Variants in PRKCE observed in about 807,000 individuals in gnomAD.
The protein encoded by PRKCE is protein kinase C epsilon type.
Under a neutral mutation model 85.4 loss-of-function variants are expected in PRKCE, and 16 were observed. That is an observed-to-expected ratio of 0.19 (90% CI 0.13 to 0.28). The LOEUF is 0.28. Ranked by LOEUF, PRKCE falls within the 10% of genes least tolerant of loss-of-function variation. The pLI, the probability that PRKCE is intolerant of heterozygous loss-of-function variation, is 1.00. For missense variants in PRKCE, 573 were observed against 975.2 expected (o/e 0.59, Z 5.49); for synonymous variants, 388 against 371.5 (o/e 1.04, Z -0.51).
chr2:45,793,658 G>A lies in PRKCE; in HGVS notation c.349-49342G>A, dbSNP rs13399170. Among the ~76,000 whole-genome samples, 4 of 152,208 alleles carry A rather than the reference G, an allele frequency of 2.6e-5. No homozygotes were observed. The East Asian group carries it at 7.7e-4, about 29-fold the overall frequency. On this transcript the variant is annotated intron_variant, in intron 1 of 14. Transcript: ENST00000306156. ...GTTGGGCAGTTAGCCAATTCCAGGT[G>A]TAGAGTTTTGTTTTCACAGCCATGA...
chr2:45,982,015 A>T (rs1362112454), intron 5 of PRKCE, among the ~76,000 whole-genome samples: 1 of 152,250 alleles, frequency 6.6e-6, no homozygotes, highest in Non-Finnish European at 1.5e-5. Context: ...CATATTGAGC[A>T]GTGAGAAGAA....
chr2:46,152,799 G>A lies in PRKCE; in HGVS notation c.1920+1570G>A, dbSNP rs1369129064. Among the ~76,000 whole-genome samples the A allele has an allele frequency of 8.0e-5, 12 of 150,914 alleles. No homozygotes were observed. In the South Asian group the frequency reaches 1.1e-3, roughly 13 times the overall value. ...CCTGACCTCATGATCCACCCACCTC[G>A]GCTTCCCAAAGTGCTGGGATTACAG... On this transcript the variant is annotated intron_variant, in intron 13 of 14. Coordinates refer to ENST00000306156, the MANE Select transcript of PRKCE (RefSeq NM_005400.3).
intron 2 of PRKCE, among the ~76,000 whole-genome samples, chr2:45,906,693 T>G (rs1251632888): frequency 1.3e-5 from 2 of 152,174 alleles, no homozygotes; most frequent in African/African-American, 2.4e-5. Context: ...ATGTGCTCTG[T>G]GTGGGAGGCA....
intron 5 of PRKCE, among the ~76,000 whole-genome samples, chr2:45,983,031 G>A (rs1207954013): frequency 6.6e-6 from 1 of 152,222 alleles, no homozygotes; most frequent in Non-Finnish European, 1.5e-5. Context: ...GAGTCAACAT[G>A]TCTACATTCA....
intron 1 of PRKCE, among the ~76,000 whole-genome samples, chr2:45,808,757 A>C (rs1181220093): frequency 1.3e-5 from 2 of 152,224 alleles, no homozygotes; most frequent in African/African-American, 2.4e-5. Context: ...TGGTTAGTCC[A>C]GTCTCAGATG....
chr2:45,949,627 A>G (rs1200914705), intron 2 of PRKCE, among the ~76,000 whole-genome samples: 4 of 151,174 alleles, frequency 2.6e-5, no homozygotes, highest in Non-Finnish European at 5.9e-5. Context: ...CCCTATCTAA[A>G]TGACACAAAT....
intron 1 of PRKCE, among the ~76,000 whole-genome samples, chr2:45,716,777 G>A (rs1680162861): frequency 6.6e-6 from 1 of 152,080 alleles, no homozygotes; most frequent in Non-Finnish European, 1.5e-5. Context: ...ATAAAGAATA[G>A]AGGTTTAATT....
chr2:45,651,844 G>A lies in PRKCE; in HGVS notation c.-257G>A. The A allele has an allele frequency of 2.7e-6, 1 of 376,548 alleles. No individual in the cohort carries two copies. The highest frequency in any genetic ancestry group is 4.8e-6 in the Non-Finnish European group (1 of 208,440). 23.3% of individuals were successfully genotyped at this position (376,548 alleles called of 1,614,324 possible). On this transcript the variant is annotated 5_prime_UTR_variant, in exon 1 of 15. Transcript: ENST00000306156. ...TGGAGGTGCAGCTGGTGGTCGGGGG[G>A]AGAGACTTGCTCCAAACACGGACAT...
At chr2:45,892,430 ATAAC>A (rs1349534642) in intron 2 of PRKCE, among the ~76,000 whole-genome samples, 1 of 152,194 alleles carries the variant, frequency 6.6e-6, no homozygotes, top group Non-Finnish European at 1.5e-5. Context: ...GAAGAAAAAA[ATAAC>A]TAGGAACAGG....
At chr2:45,966,666 CT>C (rs914230433) in intron 2 of PRKCE, among the ~76,000 whole-genome samples, 1 of 152,164 alleles carries the variant, frequency 6.6e-6, no homozygotes, top group Non-Finnish European at 1.5e-5. Context: ...CCCATTTCTG[CT>C]TTTTTCTAGA....
chr2:45,912,955 C>T (rs1697490072), intron 2 of PRKCE, among the ~76,000 whole-genome samples: 1 of 152,104 alleles, frequency 6.6e-6, no homozygotes, highest in Non-Finnish European at 1.5e-5. Context: ...ACAGTGGTTC[C>T]ATAGTGACAT....
At chr2:46,181,503 T>C (rs1265017439) in intron 14 of PRKCE, among the ~76,000 whole-genome samples, 1 of 152,146 alleles carries the variant, frequency 6.6e-6, no homozygotes, top group Non-Finnish European at 1.5e-5. Context: ...GCTAAATGGC[T>C]CTCCAAGATA....
chr2:45,694,892 G>A (rs542413), intron 1 of PRKCE, among the ~76,000 whole-genome samples: 108,218 of 151,980 alleles, frequency 0.71, 38,663 homozygotes, highest in African/African-American at 0.76. Flanking sequence ...TTTCCTGAGA[G>A]TGGCTGAGAG....
intron 1 of PRKCE, among the ~76,000 whole-genome samples, chr2:45,677,581 C>G (rs1451770830): frequency 6.6e-6 from 1 of 152,148 alleles, no homozygotes; most frequent in Non-Finnish European, 1.5e-5. Flanking sequence ...TGGTCTCGAT[C>G]TCCTGACCTC....
rs147641629 is a variant in PRKCE, at chr2:45,778,156, G to A, written c.349-64844G>A. Among the ~76,000 whole-genome samples the A allele has an allele frequency of 4.2e-3, 644 of 152,248 alleles. 7 individuals carry two copies. Among genetic ancestry groups the A allele is most frequent in the African/African-American group, 0.015 (608 of 41,540 alleles). On this transcript the variant is annotated intron_variant, in intron 1 of 14. Coordinates refer to ENST00000306156, the MANE Select transcript of PRKCE (RefSeq NM_005400.3). ...GCAAATGTTTTCCCAAGTCCCTGGGGTTGGTGGGTGGAGTTTAAGCCAATT... is the reference window on the plus strand; with the variant it reads ...GCAAATGTTTTCCCAAGTCCCTGGGATTGGTGGGTGGAGTTTAAGCCAATT...
intron 11 of PRKCE, among the ~76,000 whole-genome samples, chr2:46,101,607 A>T (rs1374296776): frequency 6.6e-6 from 1 of 152,234 alleles, no homozygotes; most frequent in South Asian, 2.1e-4. Flanking sequence ...CTGTAAGTGC[A>T]CGGTGACATG....
chr2:45,728,096 C>G (rs1468399879), intron 1 of PRKCE, among the ~76,000 whole-genome samples: 2 of 152,158 alleles, frequency 1.3e-5, no homozygotes, highest in African/African-American at 4.8e-5. Flanking sequence ...CTTTTCAAGC[C>G]TGCTCCTTCT....
intron 7 of PRKCE, among the ~76,000 whole-genome samples, chr2:46,002,644 T>C (rs1306164550): frequency 6.6e-6 from 1 of 152,244 alleles, no homozygotes; most frequent in Non-Finnish European, 1.5e-5. Flanking sequence ...TTGAGATAAC[T>C]GAGACTTTGT....
chr2:45,683,127 C>T (rs976629473), intron 1 of PRKCE, among the ~76,000 whole-genome samples: 1 of 152,162 alleles, frequency 6.6e-6, no homozygotes. Flanking sequence ...AGGATACTGG[C>T]TAGCCAAGCG....
Sources: gnomAD v4.1 joint callset for allele counts (sites outside exome capture counted in the v4.1 genomes callset) on GRCh38, gnomAD v4.1.1 for gene constraint, MANE v1.5 for transcripts, NCBI Gene and HGNC (gene_info 2026-07-23, HGNC 2026-07-21) for gene names.